NIPAL4: variants seen among roughly 807,000 people sequenced by gnomAD.
The protein encoded by NIPAL4 is NIPA like domain containing 4.
A neutral mutation model predicts 31.6 loss-of-function variants in NIPAL4; 21 were observed. The ratio of observed to expected loss-of-function variants is 0.67; its 90% confidence interval spans 0.47 to 0.96. NIPAL4 has a LOEUF of 0.96. Among genes scored for constraint, NIPAL4 ranks in the 40% least tolerant of loss-of-function variants. The pLI, the probability that NIPAL4 is intolerant of heterozygous loss-of-function variation, is 0.00. For missense variants in NIPAL4, 438 were observed against 508.0 expected, an observed-to-expected ratio of 0.86 and a Z score of 1.32; for synonymous variants, 175 against 211.1, an observed-to-expected ratio of 0.83 and a Z score of 1.48.
At chr5:157,462,034 G>A (rs1425012365) in intron 1 of NIPAL4, among the ~76,000 whole-genome samples, 2 of 152,222 alleles carry the variant, frequency 1.3e-5, no homozygotes, top group Non-Finnish European at 2.9e-5. Flanking sequence ...GTTGGTGGGA[G>A]AAATACTTGG....
At chr5:157,460,784 A>C (rs1754079643) in intron 1 of NIPAL4, among the ~76,000 whole-genome samples, 1 of 152,168 alleles carries the variant, frequency 6.6e-6, no homozygotes, top group Non-Finnish European at 1.5e-5. Flanking sequence ...TGGAAAAGAA[A>C]AAGAACCACA....
intron 3 of NIPAL4, chr5:157,468,014 C>T (rs1469734571): frequency 6.6e-6 from 1 of 152,212 alleles, no homozygotes; most frequent in East Asian, 1.9e-4. Context: ...AAGTGATTCT[C>T]CTACCTCGGC....
At position 157,468,794 on chromosome 5, in the gene NIPAL4, C is replaced by T. The variant is rs372087764; in HGVS notation, c.407C>T (p.Ala136Val). ...GCAACAGTCGTCACGCCTCTGGGAG[C>T]GCTGAGTGTCCTCATAAGGTTATTG... ...APATVVTPLG[A>V]LSVLISAILS... The change falls in exon 4 of 6, where the codon GCG becomes GTG. Residue 136 changes from alanine to valine, a missense_variant. Coordinates refer to ENST00000311946, the MANE Select transcript of NIPAL4 (RefSeq NM_001099287.2). The T allele has an allele frequency of 1.2e-5, 20 of 1,605,962 alleles. No homozygotes were observed. The highest frequency in any genetic ancestry group is 3.3e-4 in the Middle Eastern group (2 of 6,070).
chr5:157,472,192 T>C, intron 5 of NIPAL4, 140 bp from the exon 6 acceptor site: 2 of 783,090 alleles, frequency 2.6e-6, no homozygotes, highest in South Asian at 1.7e-5. Context: ...TAGGAAGTCA[T>C]GAAGCTGGGA....
chr5:157,462,962 G>C, intron 1 of NIPAL4, 132 bp from the exon 2 acceptor site: 1 of 1,124,456 alleles, frequency 8.9e-7, no homozygotes, highest in Non-Finnish European at 1.2e-6. Context: ...TTATTTTTAG[G>C]TGGAGGCACG....
rs753530888 is a variant in NIPAL4 at position 157,472,402 on chromosome 5, C to T, written c.657C>T (p.Tyr219=). Residue 219 remains tyrosine (Y), a synonymous_variant, in exon 6 of 6, where the codon TAC becomes TAT. Transcript: ENST00000311946. ...LILIFVIAPR[Y]GQRNILIYII... is the part of the protein sequence containing the mutation. ...TCATCTTTGTCATTGCCCCACGTTA[C>T]GGGCAAAGGAATATCCTCATCTACA... 23 of 1,612,972 alleles carry T rather than the reference C, an allele frequency of 1.4e-5. No individual in the cohort carries two copies. In the East Asian group the frequency reaches 2.0e-4, roughly 14 times the overall value.
intron 3 of NIPAL4, among the ~76,000 whole-genome samples, chr5:157,468,486 T>A (rs999845848): frequency 6.6e-6 from 1 of 152,226 alleles, no homozygotes; most frequent in Non-Finnish European, 1.5e-5. Flanking sequence ...ACCATAAGCA[T>A]GTCACGTGAC....
At chr5:157,471,840 G>T (rs762064530) in intron 5 of NIPAL4, 23 bp downstream of exon 5, 20 of 1,562,116 alleles carry the variant, frequency 1.3e-5, no homozygotes, top group Non-Finnish European at 1.3e-5. Context: ...CCCCTGAAGA[G>T]CAGGAAAATA....
At chr5:157,465,823 T>A (rs1032756512) in intron 2 of NIPAL4, among the ~76,000 whole-genome samples, 5 of 151,992 alleles carry the variant, frequency 3.3e-5, no homozygotes, top group Non-Finnish European at 7.4e-5. Context: ...AAGACCCCCA[T>A]CTGTACAGAA....
chr5:157,463,758 T>A (rs1044172125), intron 2 of NIPAL4, among the ~76,000 whole-genome samples: 3 of 152,146 alleles, frequency 2.0e-5, no homozygotes, highest in Admixed American at 1.3e-4. Flanking sequence ...TCACTTAGCA[T>A]CCAATTGAGC....
Position 157,460,362 on chromosome 5 carries a change from G to C in NIPAL4, c.37+5G>C, listed in dbSNP as rs1452328130. 3.9e-6 allele frequency: 6 copies of C among 1,543,580 alleles called. No homozygotes were observed. The highest frequency in any genetic ancestry group is 4.4e-6 in the Non-Finnish European group (5 of 1,145,220). On this transcript the variant is annotated splice_donor_5th_base_variant and intron_variant, in intron 1 of 5. Coordinates refer to ENST00000311946, the MANE Select transcript of NIPAL4 (RefSeq NM_001099287.2). ...GCAACACCAGCTGCGAGAACGGTGC[G>C]TACGGCAGGGCTGGGGACCAGGCGG...
intron 2 of NIPAL4, among the ~76,000 whole-genome samples, chr5:157,463,875 T>C (rs187941942): frequency 6.1e-4 from 93 of 152,320 alleles, no homozygotes; most frequent in African/African-American, 2.4e-5. Flanking sequence ...AAAGGAATCC[T>C]GTGCAAAATG....
chr5:157,461,305 G>T (rs975714625), intron 1 of NIPAL4, among the ~76,000 whole-genome samples: 2 of 152,228 alleles, frequency 1.3e-5, no homozygotes, highest in Non-Finnish European at 2.9e-5. Flanking sequence ...CTCAGAATTG[G>T]ATTACTTTGG....
intron 4 of NIPAL4, among the ~76,000 whole-genome samples, chr5:157,469,896 T>G (rs568739912): frequency 6.6e-6 from 1 of 152,366 alleles, no homozygotes; most frequent in East Asian, 1.9e-4. Context: ...ACAGCTGATG[T>G]AGCTGTGGTA....
Position 157,474,270 on chromosome 5 carries a change from A to C in NIPAL4, c.*1310A>C, listed in dbSNP as rs976709205. The C allele has an allele frequency of 6.6e-6, 1 of 152,278 alleles. No individual in the cohort carries two copies. Among genetic ancestry groups the C allele is most frequent in the Admixed American group, 6.5e-5 (1 of 15,286 alleles). 9.4% of individuals were successfully genotyped at this position (152,278 alleles called of 1,614,324 possible). ...CACATTTGGCCAGAGGCATACAAAA[A>C]ACCAGAGCAGCTGGAGAGGGAGATA... On this transcript the variant is annotated 3_prime_UTR_variant, in exon 6 of 6. Transcript: ENST00000311946.
At chr5:157,463,956 A>C (rs1313438741) in intron 2 of NIPAL4, among the ~76,000 whole-genome samples, 1 of 152,208 alleles carries the variant, frequency 6.6e-6, no homozygotes, top group Non-Finnish European at 1.5e-5. Flanking sequence ...ATGGGGATTC[A>C]GTGTCCTCGT....
chr5:157,468,713 GTT>G lies in NIPAL4; in HGVS notation c.335-7_335-6del, dbSNP rs1561830168. On this transcript the variant is annotated splice_region_variant and splice_polypyrimidine_tract_variant and intron_variant, in intron 3 of 5. Transcript: ENST00000311946. ...CCATGCTAGCCTCTTTTCTCCCTTCGTTTCCTAGTGGCTGCTGGAGAAGTTGC... is the reference window on the plus strand; with the variant it reads ...CCATGCTAGCCTCTTTTCTCCCTTCGTCCTAGTGGCTGCTGGAGAAGTTGC... 6.3e-7 allele frequency: 1 copy of G among 1,589,648 alleles called. No homozygotes were observed. Among genetic ancestry groups the G allele is most frequent in the East Asian group, 2.2e-5 (1 of 44,750 alleles).
At chr5:157,468,917 G>C in intron 4 of NIPAL4, 105 bp downstream of exon 4, 1 of 754,646 alleles carries the variant, frequency 1.3e-6, no homozygotes. Flanking sequence ...TCAGGGACCT[G>C]GGTTGGTCTC....
In NIPAL4 at chr5:157,460,342, A is replaced by C; in HGVS notation, c.22A>C (p.Thr8Pro). 1.9e-6 allele frequency: 3 copies of C among 1,547,154 alleles called. No homozygotes were observed. Among genetic ancestry groups the C allele is most frequent in the Non-Finnish European group, 2.6e-6 (3 of 1,146,192 alleles). ...CCCCATGGAGCTGCGGGTCAGCAAC[A>C]CCAGCTGCGAGAACGGTGCGTACGG... is the stretch of plus-strand genomic sequence containing the variant. Reference protein sequence around the residue: MELRVSNTSCENGSLLHL... With the variant: MELRVSNPSCENGSLLHL... The change falls in exon 1 of 6, where the codon ACC becomes CCC. Residue 8 changes from threonine (T) to proline (P), a missense_variant. Coordinates refer to ENST00000311946, the MANE Select transcript of NIPAL4 (RefSeq NM_001099287.2).
Sources: allele counts gnomAD v4.1 joint callset (sites outside exome capture counted in the v4.1 genomes callset), GRCh38; gene constraint gnomAD v4.1.1; transcripts MANE v1.5; gene names NCBI Gene and HGNC (gene_info 2026-07-23, HGNC 2026-07-21).